Variants in TRDN observed in about 807,000 individuals in gnomAD.
The protein encoded by TRDN is triadin.
A neutral mutation model predicts 149.7 loss-of-function variants in TRDN; 161 were observed. The ratio of observed to expected loss-of-function variants is 1.08; its 90% CI spans 0.95 to 1.23. The LOEUF (loss-of-function observed/expected upper bound fraction) is 1.23. Among genes scored for constraint, TRDN ranks in the 50% most tolerant of loss-of-function variants. The pLI, the probability that TRDN is intolerant of heterozygous loss-of-function variation, is 0.00. For synonymous variants in TRDN, 294 were observed against 250.5 expected (o/e 1.17, Z -1.64); for missense variants, 896 against 823.5 (o/e 1.09, Z -1.08).
chr6:123,433,747 T>C (rs1346107607), intron 12 of TRDN, among the ~76,000 whole-genome samples: 2 of 152,132 alleles, frequency 1.3e-5, no homozygotes, highest in African/African-American at 4.8e-5. Context: ...TATAAACATA[T>C]AAGATGATGA....
intron 1 of TRDN, among the ~76,000 whole-genome samples, chr6:123,585,746 CT>C (rs1223314145): frequency 6.6e-6 from 1 of 152,012 alleles, no homozygotes; most frequent in East Asian, 1.9e-4. Flanking sequence ...ATTTCTGGCA[CT>C]TGTAGCAAGC....
chr6:123,358,397 A>G (rs1402639200), intron 20 of TRDN, among the ~76,000 whole-genome samples: 2 of 152,000 alleles, frequency 1.3e-5, no homozygotes, highest in African/African-American at 2.4e-5. Flanking sequence ...AATACAATTG[A>G]CATCCCTCCC....
intron 7 of TRDN, among the ~76,000 whole-genome samples, chr6:123,510,831 A>C (rs1779147004): frequency 6.6e-6 from 1 of 152,018 alleles, no homozygotes; most frequent in South Asian, 2.1e-4. Context: ...TTTACTAGAG[A>C]CAGGATTTCA....
At chr6:123,492,871 GGAGGTTAA>G (rs1263340854) in intron 9 of TRDN, among the ~76,000 whole-genome samples, 1 of 152,030 alleles carries the variant, frequency 6.6e-6, no homozygotes, top group African/African-American at 2.4e-5. Context: ...GAAAAAAAGT[GGAGGTTAA>G]TCAGTTTCAA....
intron 11 of TRDN, 78 bp downstream of exon 11, chr6:123,438,866 G>GA (rs1302100006): frequency 1.7e-5 from 20 of 1,177,162 alleles, no homozygotes; most frequent in Non-Finnish European, 2.2e-5. Context: ...TTCTTTCCTA[G>GA]AAAATAATAG....
intron 5 of TRDN, among the ~76,000 whole-genome samples, chr6:123,516,702 T>C (rs1779427322): frequency 6.6e-6 from 1 of 152,022 alleles, no homozygotes; most frequent in Non-Finnish European, 1.5e-5. Flanking sequence ...GACTATAAAA[T>C]ACCAAATCTT....
chr6:123,455,960 GC>G (rs1338103720), intron 10 of TRDN, among the ~76,000 whole-genome samples: 1 of 152,042 alleles, frequency 6.6e-6, no homozygotes, highest in African/African-American at 2.4e-5. Context: ...AGAAAATTGA[GC>G]TTTTTCTTTT....
chr6:123,400,874 T>G (rs995056896), intron 12 of TRDN, among the ~76,000 whole-genome samples: 8 of 152,186 alleles, frequency 5.3e-5, no homozygotes, highest in African/African-American at 1.9e-4. Context: ...GGAAATGTTA[T>G]AAACAAACAG....
At chr6:123,561,370 A>C (rs1387983239) in intron 2 of TRDN, among the ~76,000 whole-genome samples, 1 of 152,180 alleles carries the variant, frequency 6.6e-6, no homozygotes, top group Non-Finnish European at 1.5e-5. Context: ...AGGACTGGAC[A>C]ATACTTTTAC....
At chr6:123,432,576 C>G (rs1185260861) in intron 12 of TRDN, among the ~76,000 whole-genome samples, 1 of 152,048 alleles carries the variant, frequency 6.6e-6, no homozygotes, top group East Asian at 1.9e-4. Flanking sequence ...CTAGATTGAA[C>G]TATTAAAGCA....
intron 10 of TRDN, among the ~76,000 whole-genome samples, chr6:123,443,921 A>T (rs1168920923): frequency 1.7e-4 from 25 of 151,086 alleles, no homozygotes; most frequent in African/African-American, 5.9e-4. Context: ...TGGTTACTGT[A>T]GCCTTGTAGT....
At chr6:123,293,674 T>C (rs1778088801) in intron 24 of TRDN, among the ~76,000 whole-genome samples, 1 of 152,166 alleles carries the variant, frequency 6.6e-6, no homozygotes, top group African/African-American at 2.4e-5. Context: ...TCACACCCTG[T>C]AGGGCTTCTG....
At chr6:123,271,936 G>C (rs1056657181) in intron 29 of TRDN, among the ~76,000 whole-genome samples, 1 of 151,756 alleles carries the variant, frequency 6.6e-6, no homozygotes, top group Non-Finnish European at 1.5e-5. Context: ...TTCACCTCAA[G>C]TTGGCTAATA....
chr6:123,337,363 TA>T (rs923532943), intron 22 of TRDN, among the ~76,000 whole-genome samples: 7 of 151,970 alleles, frequency 4.6e-5, no homozygotes, highest in Non-Finnish European at 1.0e-4. Context: ...TCTTTTTCAT[TA>T]AAAAAACCTT....
chr6:123,386,253 G>A (rs1241294484), intron 14 of TRDN, among the ~76,000 whole-genome samples: 3 of 152,132 alleles, frequency 2.0e-5, no homozygotes, highest in Non-Finnish European at 4.4e-5. Flanking sequence ...ATACATGCAG[G>A]AAAGTATTTT....
At chr6:123,293,407 G>A (rs1338867301) in intron 24 of TRDN, among the ~76,000 whole-genome samples, 7 of 152,102 alleles carry the variant, frequency 4.6e-5, no homozygotes, top group Non-Finnish European at 1.0e-4. Context: ...AACAGCAGAA[G>A]TTTCCCTGTG....
chr6:123,412,464 A>T (rs943128655), intron 12 of TRDN, among the ~76,000 whole-genome samples: 29 of 152,372 alleles, frequency 1.9e-4, no homozygotes, highest in Middle Eastern at 3.4e-3. Flanking sequence ...CAGTACAGAC[A>T]TAAGATATTT....
In TRDN at chr6:123,438,978, A is replaced by G; in HGVS notation, c.957T>C (p.Ala319=). ...TTGTTTCAGAAGTAACTTTCTTCTC[A>G]GCCTTCTTCTTTTCCCCTTCTTTTT... ...LEEKEGEKKK[A]EKKVTSETKK... is the part of the protein sequence containing the mutation. Residue 319 remains alanine, a synonymous_variant, in exon 11 of 41, where the codon GCT becomes GCC. Coordinates refer to ENST00000334268, the MANE Select transcript of TRDN (RefSeq NM_006073.4). The G allele has an allele frequency of 6.4e-7, 1 of 1,561,884 alleles. No individual in the cohort carries two copies. The highest frequency in any genetic ancestry group is 8.7e-7 in the Non-Finnish European group (1 of 1,151,794).
chr6:123,381,892 T>C (rs905811875), intron 15 of TRDN, among the ~76,000 whole-genome samples: 1 of 152,012 alleles, frequency 6.6e-6, no homozygotes, highest in Non-Finnish European at 1.5e-5. Context: ...TGAAAGGATA[T>C]GCAGTATTTA....
Sources: gnomAD v4.1 joint callset for allele counts (sites outside exome capture counted in the v4.1 genomes callset) on GRCh38, gnomAD v4.1.1 for gene constraint, MANE v1.5 for transcripts, NCBI Gene and HGNC (gene_info 2026-07-23, HGNC 2026-07-21) for gene names.